GNAI3: variants seen among roughly 807,000 people sequenced by gnomAD.
GNAI3 encodes guanine nucleotide-binding protein G(i) subunit alpha-3.
GNAI3 carries 12 observed loss-of-function variants against 41.8 expected under a neutral mutation model. The ratio of observed to expected loss-of-function variants is 0.29; its 90% CI spans 0.18 to 0.47. The LOEUF (loss-of-function observed/expected upper bound fraction) is 0.47, where lower values mean the gene tolerates loss of function less well. Ranked by LOEUF, GNAI3 falls within the 20% of genes least tolerant of loss-of-function variation. The pLI is 1.00. For missense variants in GNAI3, 360 were observed against 429.6 expected (o/e 0.84, Z 1.43); for synonymous variants, 132 against 146.5 (o/e 0.90, Z 0.71).
chr1:109,556,855 G>GAA (rs1648167674), intron 1 of GNAI3, among the ~76,000 whole-genome samples: 1 of 152,126 alleles, frequency 6.6e-6, no homozygotes, highest in African/African-American at 2.4e-5. Context: ...GTTTTTGGTA[G>GAA]ACTGACCTAG....
chr1:109,555,963 CGT>C (rs71069692), intron 1 of GNAI3, among the ~76,000 whole-genome samples: 4,136 of 144,528 alleles, frequency 0.029, 105 homozygotes, highest in African/African-American at 0.064. Flanking sequence ...TGCGTGCGTG[CGT>C]GTGTGTGTGT....
intron 1 of GNAI3, among the ~76,000 whole-genome samples, chr1:109,557,797 T>C (rs533566513): frequency 6.6e-6 from 1 of 152,280 alleles, no homozygotes; most frequent in Admixed American, 6.5e-5. Context: ...GGCCCAGCCT[T>C]GTCATCTGCC....
intron 1 of GNAI3, among the ~76,000 whole-genome samples, chr1:109,562,695 TAA>T (rs962794222): frequency 6.6e-6 from 1 of 152,196 alleles, no homozygotes. Context: ...TGGTGAATTT[TAA>T]AAGTGTAGTT....
chr1:109,554,726 A>G (rs1341831873), intron 1 of GNAI3, among the ~76,000 whole-genome samples: 1 of 151,876 alleles, frequency 6.6e-6, no homozygotes, highest in Non-Finnish European at 1.5e-5. Context: ...CCATTTATTT[A>G]TTTTTATTTT....
chr1:109,588,481 T>C (rs1649090404), intron 7 of GNAI3, among the ~76,000 whole-genome samples: 1 of 152,080 alleles, frequency 6.6e-6, no homozygotes, highest in Admixed American at 6.5e-5. Context: ...GGCCAATCAG[T>C]TGAGGTCAGG....
intron 1 of GNAI3, among the ~76,000 whole-genome samples, chr1:109,553,591 A>T (rs1203034341): frequency 6.6e-6 from 1 of 152,092 alleles, no homozygotes; most frequent in African/African-American, 2.4e-5. Context: ...TTTGCTTGGG[A>T]TAAGGTTCAT....
At chr1:109,559,744 C>G (rs1434405201) in intron 1 of GNAI3, among the ~76,000 whole-genome samples, 3 of 152,072 alleles carry the variant, frequency 2.0e-5, no homozygotes, top group Non-Finnish European at 4.4e-5. Flanking sequence ...TGGTATAATT[C>G]TTTTTTGGTG....
chr1:109,565,215 A>G (rs1186773027), intron 1 of GNAI3, among the ~76,000 whole-genome samples: 1 of 150,378 alleles, frequency 6.6e-6, no homozygotes, highest in East Asian at 2.0e-4. Context: ...GTGAGCTGAG[A>G]TTGTGCCACT....
intron 3 of GNAI3, among the ~76,000 whole-genome samples, chr1:109,576,463 G>A (rs1353378240): frequency 2.0e-5 from 3 of 151,538 alleles, no homozygotes; most frequent in African/African-American, 7.3e-5. Flanking sequence ...CTGCTTAAGT[G>A]TGGAGGTGTG....
intron 1 of GNAI3, among the ~76,000 whole-genome samples, chr1:109,566,051 T>A (rs111857660): frequency 3.6e-4 from 55 of 152,282 alleles, no homozygotes; most frequent in African/African-American, 1.3e-3. Context: ...GTGAGGTGGC[T>A]GGGAAGGACA....
intron 4 of GNAI3, among the ~76,000 whole-genome samples, chr1:109,580,067 T>G (rs1444302433): frequency 6.6e-6 from 1 of 152,240 alleles, no homozygotes; most frequent in Non-Finnish European, 1.5e-5. Flanking sequence ...AGTGGCTCCA[T>G]CTCCGCTCAC....
chr1:109,586,266 G>A lies in GNAI3; in HGVS notation c.641G>A (p.Cys214Tyr), dbSNP rs1320143144. The change falls in exon 6 of 9, where the codon TGT becomes TAT. Residue 214 changes from cysteine to tyrosine, a missense_variant. Coordinates refer to ENST00000369851, the MANE Select transcript of GNAI3 (RefSeq NM_006496.4). ...QRSERKKWIH[C>Y]FEGVTAIIFC... ...TCAGAACGAAAAAAGTGGATTCACT[G>A]TTTTGAGGGAGTGACAGCAATTATC... The A allele has an allele frequency of 1.2e-6, 2 of 1,613,184 alleles. No homozygotes were observed. Among genetic ancestry groups the A allele is most frequent in the Non-Finnish European group, 1.7e-6 (2 of 1,179,216 alleles).
intron 7 of GNAI3, among the ~76,000 whole-genome samples, chr1:109,590,417 C>T (rs1313769108): frequency 1.3e-5 from 2 of 152,106 alleles, no homozygotes; most frequent in East Asian, 3.8e-4. Context: ...CCTTATTTGC[C>T]AGGTATTATT....
chr1:109,553,745 G>T (rs1028737602), intron 1 of GNAI3, among the ~76,000 whole-genome samples: 7 of 152,138 alleles, frequency 4.6e-5, no homozygotes, highest in African/African-American at 1.7e-4. Context: ...TGGGGAACAG[G>T]TTATGTTTGG....
At chr1:109,551,959 C>T (rs1379709413) in intron 1 of GNAI3, among the ~76,000 whole-genome samples, 3 of 151,958 alleles carry the variant, frequency 2.0e-5, no homozygotes, top group African/African-American at 4.8e-5. Flanking sequence ...GTCAGGAGTT[C>T]GAGACCAGCC....
At position 109,595,135 on chromosome 1, in the gene GNAI3, T is replaced by C. The variant is rs2101115261; in HGVS notation, c.*2813T>C. 1 of 152,368 alleles carries C rather than the reference T, an allele frequency of 6.6e-6. No individual in the cohort carries two copies. Among genetic ancestry groups the C allele is most frequent in the South Asian group, 2.1e-4 (1 of 4,830 alleles). The allele number at this position is 152,368 out of a possible 1,614,324, so 9.4% of individuals were successfully genotyped here. Reference sequence around the variant, plus strand: ...TGCCTTGTGTGTTTCCTCTGAAGAATGCTGGAGATTTGTGATGGATAATGT... The same window carrying C: ...TGCCTTGTGTGTTTCCTCTGAAGAACGCTGGAGATTTGTGATGGATAATGT... On this transcript the variant is annotated 3_prime_UTR_variant, in exon 9 of 9. Transcript: ENST00000369851.
At chr1:109,588,779 G>C (rs1459929348) in intron 7 of GNAI3, among the ~76,000 whole-genome samples, 1 of 152,026 alleles carries the variant, frequency 6.6e-6, no homozygotes, top group African/African-American at 2.4e-5. Context: ...TGTAATCCCA[G>C]CTACTCGGGA....
chr1:109,553,357 T>G (rs370105297), intron 1 of GNAI3, among the ~76,000 whole-genome samples: 2 of 152,362 alleles, frequency 1.3e-5, no homozygotes, highest in African/African-American at 4.8e-5. Flanking sequence ...AAAAAAACTT[T>G]GTTCTTTGGG....
intron 1 of GNAI3, among the ~76,000 whole-genome samples, chr1:109,551,362 A>G (rs906265302): frequency 2.6e-5 from 4 of 152,164 alleles, no homozygotes; most frequent in African/African-American, 9.7e-5. Flanking sequence ...TTCCTGGATA[A>G]TGTCTCCTTT....
Sources: allele counts gnomAD v4.1 joint callset (sites outside exome capture counted in the v4.1 genomes callset), GRCh38; gene constraint gnomAD v4.1.1; transcripts MANE v1.5; gene names NCBI Gene and HGNC (gene_info 2026-07-23, HGNC 2026-07-21).